DNAH11: variants seen among roughly 807,000 people sequenced by gnomAD.
DNAH11 encodes axonemal beta dynein heavy chain 11.
DNAH11 carries 442 observed loss-of-function variants against 526.0 expected under a neutral mutation model. The ratio of observed to expected loss-of-function variants is 0.84; its 90% confidence interval spans 0.78 to 0.91. The LOEUF (loss-of-function observed/expected upper bound fraction) is 0.91. Ranked by LOEUF, DNAH11 falls within the 40% of genes least tolerant of loss-of-function variation. The pLI is 0.00. For missense variants in DNAH11, 6,989 were observed against 5,448.7 expected, an observed-to-expected ratio of 1.28 and a Z score of -8.90; for synonymous variants, 2,461 against 1,935.9, an observed-to-expected ratio of 1.27 and a Z score of -7.12.
intron 14 of DNAH11, among the ~76,000 whole-genome samples, chr7:21,599,494 C>T (rs1273606630): frequency 6.6e-6 from 1 of 152,200 alleles, no homozygotes; most frequent in East Asian, 1.9e-4. Flanking sequence ...TCCAAAATGT[C>T]TAGAATTCAC....
At chr7:21,681,403 G>A (rs1028778599) in intron 30 of DNAH11, 143 bp from the exon 31 acceptor site, 4 of 810,272 alleles carry the variant, frequency 4.9e-6, no homozygotes, top group South Asian at 3.7e-5. Flanking sequence ...CTCCAGCCTG[G>A]GTGACAGAGT....
chr7:21,742,268 A>T, intron 49 of DNAH11, 102 bp downstream of exon 49: 1 of 1,322,352 alleles, frequency 7.6e-7, no homozygotes, highest in South Asian at 1.5e-5. Flanking sequence ...ACCTGAGGCT[A>T]GGTAATTTAT....
chr7:21,607,936 C>CA (rs34293535), intron 20 of DNAH11, among the ~76,000 whole-genome samples: 22,451 of 68,532 alleles, frequency 0.33, 4,387 homozygotes, highest in Non-Finnish European at 0.42. Context: ...GACTTCATCT[C>CA]AAAAAAAAAA....
At chr7:21,843,545 G>T (rs1583762825) in intron 66 of DNAH11, among the ~76,000 whole-genome samples, 1 of 150,540 alleles carries the variant, frequency 6.6e-6, no homozygotes, top group South Asian at 2.1e-4. Context: ...CAGTGGCATG[G>T]TCTCGGCTCA....
intron 30 of DNAH11, among the ~76,000 whole-genome samples, chr7:21,669,219 C>T (rs1366202002): frequency 6.6e-6 from 1 of 152,158 alleles, no homozygotes; most frequent in Non-Finnish European, 1.5e-5. Context: ...CTCACTCTGT[C>T]AACCAGGCTG....
intron 62 of DNAH11, among the ~76,000 whole-genome samples, chr7:21,806,205 CCAAT>C (rs1210924582): frequency 1.3e-5 from 2 of 152,140 alleles, no homozygotes; most frequent in African/African-American, 4.8e-5. Flanking sequence ...ATTTCGATAG[CCAAT>C]CAGTCTATGT....
At chr7:21,704,716 C>A in intron 38 of DNAH11, 88 bp downstream of exon 38, 1 of 1,411,478 alleles carries the variant, frequency 7.1e-7, no homozygotes, top group Non-Finnish European at 9.5e-7. Flanking sequence ...AAGATGTTAA[C>A]TTGTACCCTA....
intron 35 of DNAH11, among the ~76,000 whole-genome samples, chr7:21,693,547 T>G (rs1275893279): frequency 6.6e-6 from 1 of 152,106 alleles, no homozygotes; most frequent in African/African-American, 2.4e-5. Flanking sequence ...TATTATTTAC[T>G]CCTGAAGTAT....
intron 71 of DNAH11, among the ~76,000 whole-genome samples, chr7:21,867,069 A>G (rs968474946): frequency 2.0e-5 from 3 of 152,206 alleles, no homozygotes; most frequent in Non-Finnish European, 4.4e-5. Flanking sequence ...CATTCCTTTC[A>G]TGGAGTCACT....
rs150387003 is a variant in DNAH11 at position 21,743,799 on chromosome 7, A to G, written c.8155-639A>G. Among the ~76,000 whole-genome samples the G allele has an allele frequency of 6.1e-3, 932 of 152,336 alleles. 12 individuals are homozygous for G. Among genetic ancestry groups the G allele is most frequent in the African/African-American group, 0.022 (900 of 41,580 alleles). The stretch of plus-strand genomic sequence containing the variant: ...GCTCACCCTTCATATCCTGCCTGTC[A>G]GCTGCACCTGACACTACCAAATAAT... On this transcript the variant is annotated intron_variant, in intron 49 of 81. Transcript: ENST00000409508.
At chr7:21,774,467 G>T (rs1316564438) in intron 56 of DNAH11, among the ~76,000 whole-genome samples, 1 of 152,092 alleles carries the variant, frequency 6.6e-6, no homozygotes, top group Non-Finnish European at 1.5e-5. Flanking sequence ...TTACACATCT[G>T]TGTCCTCAGT....
At chr7:21,718,227 G>A (rs1784742093) in intron 43 of DNAH11, among the ~76,000 whole-genome samples, 1 of 151,970 alleles carries the variant, frequency 6.6e-6, no homozygotes, top group Non-Finnish European at 1.5e-5. Flanking sequence ...TTAGCACATA[G>A]TAGGTGCCAG....
At chr7:21,631,199 G>A (rs888395116) in intron 25 of DNAH11, among the ~76,000 whole-genome samples, 2 of 152,150 alleles carry the variant, frequency 1.3e-5, no homozygotes, top group Non-Finnish European at 2.9e-5. Flanking sequence ...CACGAGAACA[G>A]CATGGGAAGG....
In DNAH11 at chr7:21,601,320, C is replaced by A; in HGVS notation, c.3426-76C>A. 4 of 1,458,834 alleles carry A rather than the reference C, an allele frequency of 2.7e-6. No individual in the cohort carries two copies. In the South Asian group the frequency reaches 5.4e-5, roughly 20 times the overall value. 90.4% of individuals were successfully genotyped at this position (1,458,834 alleles called of 1,614,324 possible). On this transcript the variant is annotated intron_variant, in intron 17 of 81. Coordinates refer to ENST00000409508, the MANE Select transcript of DNAH11 (RefSeq NM_001277115.2). ...TCAGGTACATAATGAAAATAAGATT[C>A]AATCAGAAGTCTTATACTGCTAAAT...
In DNAH11 at chr7:21,712,581, G is replaced by A. The variant is rs564651221; in HGVS notation, c.6983+721G>A. 9.9e-5 allele frequency among the ~76,000 whole-genome samples: 15 copies of A among 152,280 alleles called. No individual in the cohort carries two copies. In the South Asian group the frequency reaches 3.1e-3, roughly 32 times the overall value. On this transcript the variant is annotated intron_variant, in intron 42 of 81. Transcript: ENST00000409508. ...ACAGTAGCCATGCTAATGGGCATGA[G>A]GTGATACCTCATTTTAATTTGCATT...
At chr7:21,563,670 C>T (rs776511294) in intron 5 of DNAH11, among the ~76,000 whole-genome samples, 4 of 152,092 alleles carry the variant, frequency 2.6e-5, no homozygotes, top group African/African-American at 7.2e-5. Context: ...CATCACTGTA[C>T]TTAACAATTT....
intron 24 of DNAH11, 64 bp downstream of exon 24, chr7:21,619,286 CT>C: frequency 6.4e-7 from 1 of 1,554,438 alleles, no homozygotes; most frequent in Non-Finnish European, 8.7e-7. Context: ...TAGAAGCCAA[CT>C]TAGAGAAAAG....
At position 21,830,385 on chromosome 7, in the gene DNAH11, C is replaced by G. The variant is rs1023986993; in HGVS notation, c.10691+12046C>G. On this transcript the variant is annotated intron_variant, in intron 65 of 81. Transcript: ENST00000409508. ...TGCTATTCCCCTTCATAAACAAGGA[C>G]AGAGTTTCTGACCAAAGACTAGCAG... 2.0e-5 allele frequency among the ~76,000 whole-genome samples: 3 copies of G among 152,182 alleles called. No individual in the cohort carries two copies. The South Asian group carries it at 6.2e-4, about 31-fold the overall frequency.
At chr7:21,696,946 C>T (rs1783877733) in intron 35 of DNAH11, among the ~76,000 whole-genome samples, 1 of 152,106 alleles carries the variant, frequency 6.6e-6, no homozygotes, top group Non-Finnish European at 1.5e-5. Context: ...CTAGTCTTTG[C>T]TCTCTCCATT....
Sources: gnomAD v4.1 joint callset for allele counts (sites outside exome capture counted in the v4.1 genomes callset) on GRCh38, gnomAD v4.1.1 for gene constraint, MANE v1.5 for transcripts, NCBI Gene and HGNC (gene_info 2026-07-23, HGNC 2026-07-21) for gene names.